CSNK1A1: variants seen among roughly 807,000 people sequenced by gnomAD.
CSNK1A1 encodes the protein casein kinase I isoform alpha.
Under a neutral mutation model 46.1 loss-of-function variants are expected in CSNK1A1, and 7 were observed. The ratio of observed to expected loss-of-function variants is 0.15; its 90% CI spans 0.09 to 0.29. CSNK1A1 has a LOEUF of 0.29. CSNK1A1 is among the 10% of genes least tolerant of loss of function. CSNK1A1 has a pLI of 1.00. For synonymous variants in CSNK1A1, 137 were observed against 141.5 expected (o/e 0.97, Z 0.23); for missense variants, 96 against 417.1 (o/e 0.23, Z 6.71).
At chr5:149,514,876 G>C (rs1312918041) in intron 4 of CSNK1A1, among the ~76,000 whole-genome samples, 1 of 152,082 alleles carries the variant, frequency 6.6e-6, no homozygotes, top group Admixed American at 6.6e-5. Context: ...ATGTTAACTG[G>C]ATGATGAAGA....
chr5:149,519,534 GA>G (rs1329419910), intron 4 of CSNK1A1, among the ~76,000 whole-genome samples: 1 of 152,040 alleles, frequency 6.6e-6, no homozygotes, highest in Non-Finnish European at 1.5e-5. Context: ...AATCATTACA[GA>G]AAAAAAGTCA....
rs553513129 is a variant in CSNK1A1 at position 149,531,310 on chromosome 5, G to A, written c.231-6139C>T. On this transcript the variant is annotated intron_variant, in intron 2 of 9. Transcript: ENST00000377843. ...AGCACTTTGGGAGGCCAAGGAGGGC[G>A]GATCACCTGAGGTCGGCAATTCGAG... Among the ~76,000 whole-genome samples the A allele has an allele frequency of 1.4e-4, 21 of 152,072 alleles. No homozygotes were observed. The South Asian group carries it at 1.7e-3, about 12-fold the overall frequency.
At chr5:149,497,252 T>TA in intron 9 of CSNK1A1, 1 of 998,046 alleles carries the variant, frequency 1.0e-6, no homozygotes, top group Non-Finnish European at 1.2e-6. Context: ...AATCCTACCA[T>TA]AGGCACAAAT....
At chr5:149,538,202 A>G (rs2113166150) in intron 2 of CSNK1A1, among the ~76,000 whole-genome samples, 1 of 151,918 alleles carries the variant, frequency 6.6e-6, no homozygotes, top group East Asian at 1.9e-4. Context: ...TTGTATTTTT[A>G]GTAGAGACGG....
chr5:149,496,768 C>T lies in CSNK1A1; in HGVS notation c.*85G>A, dbSNP rs1448888531. The stretch of plus-strand genomic sequence containing the variant: ...TTGTCCACAACCACTGGCTAGTGTA[C>T]ATATGAACTAAAATTTCTAGATTTG... On this transcript the variant is annotated 3_prime_UTR_variant, in exon 10 of 10. Coordinates refer to ENST00000377843, the MANE Select transcript of CSNK1A1 (RefSeq NM_001892.6). The T allele has an allele frequency of 3.9e-6, 6 of 1,523,600 alleles. No individual in the cohort carries two copies. Among genetic ancestry groups the T allele is most frequent in the Non-Finnish European group, 5.3e-6 (6 of 1,137,344 alleles). 94.4% of individuals were successfully genotyped at this position (1,523,600 alleles called of 1,614,324 possible).
At chr5:149,537,799 G>A (rs1359517595) in intron 2 of CSNK1A1, among the ~76,000 whole-genome samples, 1 of 119,136 alleles carries the variant, frequency 8.4e-6, no homozygotes, top group Non-Finnish European at 1.8e-5. Flanking sequence ...AATTAACTAA[G>A]GCAATCTCTA....
At chr5:149,526,543 C>T (rs1761730331) in intron 2 of CSNK1A1, among the ~76,000 whole-genome samples, 1 of 152,152 alleles carries the variant, frequency 6.6e-6, no homozygotes, top group Middle Eastern at 3.2e-3. Context: ...AGTGCCATTT[C>T]CTGCTTTGCT....
chr5:149,550,707 G>T lies in CSNK1A1; in HGVS notation c.123+135C>A. On this transcript the variant is annotated intron_variant, in intron 1 of 9. Transcript: ENST00000377843. This position sits in a 1 kb window ranked among gnomAD's most constrained non-coding sequence, Gnocchi z 4.3. ...GACAGCGGACGAGGTTCGTAAGCCA[G>T]GAAAACTAGCTCCCTGGACTCCCTG... 1 of 1,295,030 alleles carries T rather than the reference G, an allele frequency of 7.7e-7. No individual in the cohort carries two copies. Among genetic ancestry groups the T allele is most frequent in the Non-Finnish European group, 1.1e-6 (1 of 949,326 alleles). The allele number at this position is 1,295,030 out of a possible 1,614,324, so 80.2% of individuals were successfully genotyped here. A position where few individuals can be genotyped will look rare whatever the true frequency, so the allele number is the denominator to read the frequency against.
chr5:149,528,302 G>A lies in CSNK1A1; in HGVS notation c.231-3131C>T, dbSNP rs115484518. On this transcript the variant is annotated intron_variant, in intron 2 of 9. Transcript: ENST00000377843. ...AAGCGTCTCAAAGGCATTTTACCTT[G>A]TGGAGCAACCATGCAGTTCTAAAAC... Among the ~76,000 whole-genome samples, 1,465 of 152,294 alleles carry A rather than the reference G, an allele frequency of 9.6e-3. 18 individuals are homozygous for A. Among genetic ancestry groups the A allele is most frequent in the African/African-American group, 0.033 (1,370 of 41,564 alleles).
chr5:149,539,389 C>T, intron 2 of CSNK1A1, among the ~76,000 whole-genome samples: 1 of 151,556 alleles, frequency 6.6e-6, no homozygotes, highest in East Asian at 1.9e-4. Flanking sequence ...TCACTGGAGC[C>T]CAGGAGTTCA....
At chr5:149,504,436 A>G (rs1222778291) in intron 9 of CSNK1A1, 5 of 985,094 alleles carry the variant, frequency 5.1e-6, no homozygotes, top group African/African-American at 3.5e-5. Flanking sequence ...CTAGGGCAGT[A>G]TTCAGAAATT....
chr5:149,548,294 C>T (rs191470211), intron 2 of CSNK1A1, among the ~76,000 whole-genome samples: 2 of 152,084 alleles, frequency 1.3e-5, no homozygotes, highest in South Asian at 2.1e-4. Context: ...AGGCTGGGCC[C>T]GGTGGCTCAC....
At chr5:149,540,054 T>A (rs1014134772) in intron 2 of CSNK1A1, among the ~76,000 whole-genome samples, 1 of 152,200 alleles carries the variant, frequency 6.6e-6, no homozygotes, top group African/African-American at 2.4e-5. Flanking sequence ...AAGGCAATTA[T>A]ACCTTAAAAT....
At chr5:149,520,256 C>T in intron 4 of CSNK1A1, 34 bp downstream of exon 4, 2 of 1,337,940 alleles carry the variant, frequency 1.5e-6, no homozygotes, top group Non-Finnish European at 1.1e-6. Context: ...AAACTTTACT[C>T]TTTGTTCTTT....
At chr5:149,506,177 T>C (rs1761017714) in intron 8 of CSNK1A1, among the ~76,000 whole-genome samples, 1 of 152,104 alleles carries the variant, frequency 6.6e-6, no homozygotes, top group South Asian at 2.1e-4. Context: ...TCCACCCCCA[T>C]CGGCCTCCCA....
chr5:149,499,906 T>C (rs1361442489), intron 9 of CSNK1A1, among the ~76,000 whole-genome samples: 2 of 151,666 alleles, frequency 1.3e-5, no homozygotes, highest in Non-Finnish European at 2.9e-5. Context: ...ATATTAATTA[T>C]GCTATGTCAT....
Position 149,525,752 on chromosome 5 carries a change from G to A in CSNK1A1, c.231-581C>T, listed in dbSNP as rs145659963. On this transcript the variant is annotated intron_variant, in intron 2 of 9. Coordinates refer to ENST00000377843, the MANE Select transcript of CSNK1A1 (RefSeq NM_001892.6). The surrounding 1 kb of genome is among the most constrained non-coding windows in gnomAD (Gnocchi z 4.2). ...ACTGGAATCATGTTTTAATTATCCT[G>A]GGCTGTATTACTGTATACAATGTGT... 6.6e-6 allele frequency among the ~76,000 whole-genome samples: 1 copy of A among 152,136 alleles called. No individual in the cohort carries two copies. The highest frequency in any genetic ancestry group is 1.9e-4 in the East Asian group (1 of 5,184).
At chr5:149,499,654 G>A (rs1473754798) in intron 9 of CSNK1A1, among the ~76,000 whole-genome samples, 1 of 150,684 alleles carries the variant, frequency 6.6e-6, no homozygotes, top group Non-Finnish European at 1.5e-5. Flanking sequence ...TTGCTGTTAT[G>A]TTGCCCAGGC....
intron 2 of CSNK1A1, among the ~76,000 whole-genome samples, chr5:149,527,319 C>A (rs901886573): frequency 6.6e-6 from 1 of 151,904 alleles, no homozygotes; most frequent in South Asian, 2.1e-4. Flanking sequence ...GTAGTGACGG[C>A]GTTTCACAAT....
Sources: allele counts gnomAD v4.1 joint callset (sites outside exome capture counted in the v4.1 genomes callset), GRCh38; gene constraint gnomAD v4.1.1; non-coding constraint Gnocchi (gnomAD v3.1); transcripts MANE v1.5; gene names NCBI Gene and HGNC (gene_info 2026-07-23, HGNC 2026-07-21).